PRDM10: variants seen among roughly 807,000 people sequenced by gnomAD.
PRDM10 encodes the protein PR domain zinc finger protein 10.
PRDM10 carries 65 observed loss-of-function variants against 133.1 expected under a neutral mutation model. The ratio of observed to expected loss-of-function variants is 0.49; its 90% CI spans 0.40 to 0.60. PRDM10 has a LOEUF of 0.60. Ranked by LOEUF, PRDM10 falls within the 20% of genes least tolerant of loss-of-function variation. The pLI is 0.00. For missense variants in PRDM10, 1,137 were observed against 1,507.1 expected (o/e 0.75, Z 4.07); for synonymous variants, 582 against 580.4 (o/e 1.00, Z -0.04).
At chr11:130,000,301 C>G (rs1939280505) in intron 1 of PRDM10, among the ~76,000 whole-genome samples, 1 of 152,140 alleles carries the variant, frequency 6.6e-6, no homozygotes, top group African/African-American at 2.4e-5. Flanking sequence ...GCCTCGCCTC[C>G]CAAAGTGCTG....
At chr11:129,914,072 G>T (rs916761126) in intron 17 of PRDM10, among the ~76,000 whole-genome samples, 19 of 152,130 alleles carry the variant, frequency 1.2e-4, no homozygotes, top group African/African-American at 4.3e-4. Flanking sequence ...TGTGATCTCA[G>T]CTCACTGCAA....
At chr11:129,977,428 C>T (rs1490408837) in intron 1 of PRDM10, among the ~76,000 whole-genome samples, 3 of 152,116 alleles carry the variant, frequency 2.0e-5, no homozygotes, top group African/African-American at 7.2e-5. Flanking sequence ...GGATTACACA[C>T]ACCCGCCACC....
At chr11:129,978,153 T>C (rs1937892729) in intron 1 of PRDM10, among the ~76,000 whole-genome samples, 1 of 151,944 alleles carries the variant, frequency 6.6e-6, no homozygotes, top group Admixed American at 6.6e-5. Context: ...AAGATAAAGA[T>C]AAAAGAAATG....
intron 20 of PRDM10, among the ~76,000 whole-genome samples, chr11:129,904,653 C>A (rs1949956595): frequency 6.6e-6 from 1 of 152,158 alleles, no homozygotes; most frequent in African/African-American, 2.4e-5. Context: ...GGATGCACCA[C>A]CACACCCAGC....
At chr11:129,997,344 G>C (rs992223217) in intron 1 of PRDM10, among the ~76,000 whole-genome samples, 3 of 151,678 alleles carry the variant, frequency 2.0e-5, no homozygotes, top group Admixed American at 2.0e-4. Context: ...GCCAGGCATG[G>C]TGGTACACAC....
rs774871442 is a variant in PRDM10, at chr11:129,902,504, A to G, written c.3280T>C (p.Leu1094=). The part of the protein sequence containing the change: ...VKAVTSGHYV[L]SESQSELEEK... ...TCCAATTCTGATTGACTTTCTGATA[A>G]CACATAATGACCCTAGAGGAAGAAG... Residue 1094 remains leucine (L), a synonymous_variant, in exon 21 of 21, where the codon TTA becomes CTA. Coordinates refer to ENST00000360871, the MANE Select transcript of PRDM10 (RefSeq NM_199437.2). 1.9e-6 allele frequency: 3 copies of G among 1,613,984 alleles called. No homozygotes were observed. The highest frequency in any genetic ancestry group is 2.5e-6 in the Non-Finnish European group (3 of 1,179,896).
chr11:129,994,868 T>C (rs980166238), intron 1 of PRDM10, among the ~76,000 whole-genome samples: 2 of 152,038 alleles, frequency 1.3e-5, no homozygotes, highest in African/African-American at 4.8e-5. Context: ...TTAGCCAGGA[T>C]TGTCTTGATC....
In PRDM10 at chr11:129,960,943, A is replaced by C. The variant is rs765684641; in HGVS notation, c.22T>G (p.Ser8Ala). 59 of 1,614,134 alleles carry C rather than the reference A, an allele frequency of 3.7e-5. 2 individuals carry two copies. The South Asian group carries it at 6.5e-4, about 18-fold the overall frequency. Residue 8 changes from serine (S) to alanine (A), a missense_variant, in exon 2 of 21, where the codon TCG (serine) becomes GCG (alanine). Around this residue, in one of 6 missense-constraint regions of PRDM10, gnomAD observed 635 missense variants for 835.2 expected, o/e 0.76. Transcript: ENST00000360871. Reference sequence around the variant, plus strand: ...TCTGCAGATGTCGGCCACACATGCGAGCTTTCATCTTTGGAATCCATCTTC... The same window carrying C: ...TCTGCAGATGTCGGCCACACATGCGCGCTTTCATCTTTGGAATCCATCTTC... Reference protein sequence around the residue: MDSKDESSHVWPTSAEHE... With the variant: MDSKDESAHVWPTSAEHE...
chr11:129,960,813 T>C, intron 2 of PRDM10, 83 bp downstream of exon 2: 1 of 1,406,758 alleles, frequency 7.1e-7, no homozygotes, highest in Non-Finnish European at 1.0e-6. Context: ...CACTACTAGA[T>C]AGCAGCTGTA....
In PRDM10 at chr11:130,002,764, A is replaced by G. The variant is rs1468572612; in HGVS notation, c.-161T>C. On this transcript the variant is annotated 5_prime_UTR_variant, in exon 1 of 21. Transcript: ENST00000360871. Reference sequence around the variant, plus strand: ...GAGCTGGAAGATCAGCGGGTCCCCGATCCTCTCTCCCTAGGGGTGATAGAA... The same window carrying G: ...GAGCTGGAAGATCAGCGGGTCCCCGGTCCTCTCTCCCTAGGGGTGATAGAA... 2 of 165,910 alleles carry G rather than the reference A, an allele frequency of 1.2e-5. No individual in the cohort carries two copies. The highest frequency in any genetic ancestry group is 2.7e-5 in the Non-Finnish European group (2 of 75,330). 10.3% of individuals were successfully genotyped at this position (165,910 alleles called of 1,614,324 possible). A position where few individuals can be genotyped will look rare whatever the true frequency, so the allele number is the denominator to read the frequency against.
intron 1 of PRDM10, among the ~76,000 whole-genome samples, chr11:129,996,929 A>G (rs1415435299): frequency 2.0e-5 from 3 of 152,160 alleles, no homozygotes; most frequent in Non-Finnish European, 4.4e-5. Context: ...ACTAGTTGAA[A>G]GAGTTGATAA....
intron 7 of PRDM10, among the ~76,000 whole-genome samples, chr11:129,941,225 C>A (rs1951194304): frequency 1.3e-5 from 2 of 152,090 alleles, no homozygotes; most frequent in Non-Finnish European, 1.5e-5. Flanking sequence ...TCATTTCTTG[C>A]CTATTTTTCA....
rs191951135 is a variant in PRDM10, at chr11:129,985,694, G to A, written c.-119+17028C>T. 1.0e-4 allele frequency among the ~76,000 whole-genome samples: 15 copies of A among 146,834 alleles called. No homozygotes were observed. The East Asian group carries it at 3.1e-3, about 30-fold the overall frequency. On this transcript the variant is annotated intron_variant, in intron 1 of 20. Coordinates refer to ENST00000360871, the MANE Select transcript of PRDM10 (RefSeq NM_199437.2). ...AGCTACTCAGGAGGCTGAGGTAGGAGGATCACTTGAGCCTGGGAGGCAGTT... is the reference window on the plus strand; with the variant it reads ...AGCTACTCAGGAGGCTGAGGTAGGAAGATCACTTGAGCCTGGGAGGCAGTT...
At chr11:129,919,285 T>C (rs1450339319) in intron 13 of PRDM10, among the ~76,000 whole-genome samples, 2 of 152,122 alleles carry the variant, frequency 1.3e-5, no homozygotes, top group Non-Finnish European at 2.9e-5. Context: ...GAGAATCACT[T>C]GAATCTGGGA....
At position 129,918,470 on chromosome 11, in the gene PRDM10, C is replaced by T. The variant is rs1459511921; in HGVS notation, c.2214+69G>A. The stretch of plus-strand genomic sequence containing the variant: ...AACTTAGGACACAATGCAACACAAA[C>T]GTCACCATCATCGACAGCAATGAGG... On this transcript the variant is annotated intron_variant, in intron 14 of 20. Coordinates refer to ENST00000360871, the MANE Select transcript of PRDM10 (RefSeq NM_199437.2). The surrounding 1 kb of genome is among the most constrained non-coding windows in gnomAD (Gnocchi z 5.3). The T allele has an allele frequency of 7.2e-6, 11 of 1,526,476 alleles. No homozygotes were observed. The highest frequency in any genetic ancestry group is 2.5e-5 in the South Asian group (2 of 80,024). The allele number at this position is 1,526,476 out of a possible 1,614,324, so 94.6% of individuals were successfully genotyped here. A position where few individuals can be genotyped will look rare whatever the true frequency, so the allele number is the denominator to read the frequency against.
At chr11:129,963,724 C>G (rs1268583676) in intron 1 of PRDM10, among the ~76,000 whole-genome samples, 2 of 152,120 alleles carry the variant, frequency 1.3e-5, no homozygotes, top group Non-Finnish European at 2.9e-5. Context: ...TTCTTAAAAA[C>G]AAGAAGATTT....
chr11:129,961,031 T>G lies in PRDM10; in HGVS notation c.-67A>C. 1 of 1,461,226 alleles carries G rather than the reference T, an allele frequency of 6.8e-7. No homozygotes were observed. The highest frequency in any genetic ancestry group is 1.1e-5 in the South Asian group (1 of 87,390). 90.5% of individuals were successfully genotyped at this position (1,461,226 alleles called of 1,614,324 possible). A position where few individuals can be genotyped will look rare whatever the true frequency, so the allele number is the denominator to read the frequency against. On this transcript the variant is annotated 5_prime_UTR_variant, in exon 2 of 21. Transcript: ENST00000360871. ...CAGCACAGGGTACAGGACAGTCATC[T>G]GTCTACCACACGTGTGTTCATGAAG...
intron 1 of PRDM10, among the ~76,000 whole-genome samples, chr11:129,971,114 G>A (rs1383256621): frequency 2.0e-5 from 3 of 152,102 alleles, no homozygotes; most frequent in Non-Finnish European, 2.9e-5. Context: ...TCATGGTCTC[G>A]CTGGTTCAGG....
chr11:129,955,435 G>T, intron 4 of PRDM10, 77 bp downstream of exon 4: 1 of 1,414,116 alleles, frequency 7.1e-7, no homozygotes. Context: ...AGATGGTGCA[G>T]TGCAAAGGGA....
Sources: allele counts gnomAD v4.1 joint callset (sites outside exome capture counted in the v4.1 genomes callset), GRCh38; gene constraint gnomAD v4.1.1; regional missense constraint gnomAD v4.1.1; non-coding constraint Gnocchi (gnomAD v3.1); transcripts MANE v1.5; gene names NCBI Gene and HGNC (gene_info 2026-07-23, HGNC 2026-07-21).